The following NLGN2 variants were observed in gnomAD, a reference collection of about 807,000 sequenced individuals.
NLGN2 encodes the protein neuroligin 2.
NLGN2 carries 11 observed loss-of-function variants against 48.6 expected under a neutral mutation model. The observed-to-expected ratio is 0.23, with a 90% confidence interval of 0.14 to 0.37. The LOEUF (loss-of-function observed/expected upper bound fraction) is 0.37, where lower values mean the gene tolerates loss of function less well. NLGN2 is among the 10% of genes least tolerant of loss of function. NLGN2 has a pLI of 1.00. For missense variants in NLGN2, 801 were observed against 1,225.2 expected (o/e 0.65, Z 5.17); for synonymous variants, 548 against 550.0 (o/e 1.00, Z 0.05).
At chr17:7,406,645 T>TGGGGGGG (rs1331732543), upstream of NLGN2, among the ~76,000 whole-genome samples, 7 of 7,970 alleles carry the variant, frequency 8.8e-4, no homozygotes, top group East Asian at 6.3e-3. Flanking sequence ...TGGCGGCTGG[T>TGGGGGGG]GGGGGGGCGG....
Position 7,408,344 on chromosome 17 carries a change from G to A in NLGN2, c.89G>A (p.Gly30Asp). ...GPGGGAPGGP[G>D]LGLGSLGEER... The stretch of plus-strand genomic sequence containing the variant: ...GGCGGCGGCGCCCCGGGCGGCCCCG[G>A]CCTGGGCCTCGGCAGCCTCGGCGAG... The change falls in exon 1 of 7, where the codon GGC becomes GAC. Residue 30 changes from glycine (G) to aspartate (D), a missense_variant. Physicochemically the swap from Gly to Asp is moderately conservative, Grantham distance 94 (BLOSUM62 -1). Transcript: ENST00000302926. This position sits in a 1 kb window ranked among gnomAD's most constrained non-coding sequence, Gnocchi z 7.5. 2.0e-6 allele frequency: 3 copies of A among 1,474,930 alleles called. No homozygotes were observed. Among genetic ancestry groups the A allele is most frequent in the Non-Finnish European group, 1.8e-6 (2 of 1,115,758 alleles). The allele number at this position is 1,474,930 out of a possible 1,614,324, so 91.4% of individuals were successfully genotyped here.
At position 7,417,293 on chromosome 17, in the gene NLGN2, G is replaced by C. The variant is rs746683543; in HGVS notation, c.2002G>C (p.Asp668His). The C allele has an allele frequency of 1.2e-6, 2 of 1,602,620 alleles. No individual in the cohort carries two copies. The highest frequency in any genetic ancestry group is 1.7e-6 in the Non-Finnish European group (2 of 1,175,998). Reference sequence around the variant, plus strand: ...AAGGGCCTATGACCGCTTCCCCGGGGACTCACGGGACTACTCCACGGAGCT... The same window carrying C: ...AAGGGCCTATGACCGCTTCCCCGGGCACTCACGGGACTACTCCACGGAGCT... ...GPRAYDRFPG[D>H]SRDYSTELSV... The change falls in exon 7 of 7, where the codon GAC (aspartate) becomes CAC (histidine). Residue 668 changes from aspartate (D) to histidine (H), a missense_variant. By Grantham distance (81) the Asp-to-His change is moderately conservative. This residue lies in a region of NLGN2 where 276 missense variants were observed against 313.9 expected (regional missense o/e 0.88). Transcript: ENST00000302926.
At chr17:7,407,259 G>A (rs965218561), upstream of NLGN2, among the ~76,000 whole-genome samples, 3 of 152,104 alleles carry the variant, frequency 2.0e-5, no homozygotes, top group South Asian at 2.1e-4. Flanking sequence ...CCCGTCACCC[G>A]GCAACCGGCT....
Position 7,417,452 on chromosome 17 carries a change from G to T in NLGN2, c.2161G>T (p.Gly721Cys). Reference sequence around the variant, plus strand: ...TAGCCCACCTGGCGGCTCAGGCTCTGGCGTGCCTGGTGGGGGCCCCCTGCT... The same window carrying T: ...TAGCCCACCTGGCGGCTCAGGCTCTTGCGTGCCTGGTGGGGGCCCCCTGCT... ...RLSPPGGSGS[G>C]VPGGGPLLPA... Residue 721 changes from glycine (G) to cysteine (C), a missense_variant, in exon 7 of 7, where the codon GGC (glycine) becomes TGC (cysteine). This residue lies in a region of NLGN2 where 276 missense variants were observed against 313.9 expected (regional missense o/e 0.88). Transcript: ENST00000302926. 1 of 1,572,646 alleles carries T rather than the reference G, an allele frequency of 6.4e-7. No homozygotes were observed.
chr17:7,418,098 A>C lies in NLGN2; in HGVS notation c.*299A>C. 11 of 204,772 alleles carry C rather than the reference A, an allele frequency of 5.4e-5. No homozygotes were observed. The highest frequency in any genetic ancestry group is 2.0e-4 in the East Asian group (2 of 10,238). The allele number at this position is 204,772 out of a possible 1,614,324, so 12.7% of individuals were successfully genotyped here. On this transcript the variant is annotated 3_prime_UTR_variant, in exon 7 of 7. Transcript: ENST00000302926. ...CCGCGTGGAGGTGTGCTTTCTCACAACGGGGTGTGTTTTCCCATGTGCAGG... is the reference window on the plus strand; with the variant it reads ...CCGCGTGGAGGTGTGCTTTCTCACACCGGGGTGTGTTTTCCCATGTGCAGG...
intron 1 of NLGN2, 73 bp from the exon 2 acceptor site, chr17:7,412,084 A>G: frequency 4.0e-6 from 1 of 251,352 alleles, no homozygotes; most frequent in Non-Finnish European, 7.0e-6. Flanking sequence ...CTCCCCATCC[A>G]CCACCTCCCC....
In NLGN2 at chr17:7,417,328, C is replaced by A. The variant is rs373371274; in HGVS notation, c.2037C>A (p.Thr679=). 1.1e-5 allele frequency: 17 copies of A among 1,610,708 alleles called. No homozygotes were observed. The highest frequency in any genetic ancestry group is 1.4e-5 in the Non-Finnish European group (16 of 1,179,006). The change falls in exon 7 of 7, where the codon ACC becomes ACA. Residue 679 remains threonine, a synonymous_variant. Transcript: ENST00000302926. ...SRDYSTELSV[T]VAVGASLLFL... is the part of the protein sequence containing the mutation. ...ACTACTCCACGGAGCTGAGCGTCAC[C>A]GTGGCCGTGGGTGCCTCCCTCCTCT... is the stretch of plus-strand genomic sequence containing the variant.
Position 7,408,343 on chromosome 17 carries a change from G to C in NLGN2, c.88G>C (p.Gly30Arg). 1 of 1,472,120 alleles carries C rather than the reference G, an allele frequency of 6.8e-7. No individual in the cohort carries two copies. Among genetic ancestry groups the C allele is most frequent in the Non-Finnish European group, 9.0e-7 (1 of 1,114,556 alleles). 91.2% of individuals were successfully genotyped at this position (1,472,120 alleles called of 1,614,324 possible). A position where few individuals can be genotyped will look rare whatever the true frequency, so the allele number is the denominator to read the frequency against. The change falls in exon 1 of 7, where the codon GGC (glycine) becomes CGC (arginine). Residue 30 changes from glycine (G) to arginine (R), a missense_variant. Coordinates refer to ENST00000302926, the MANE Select transcript of NLGN2 (RefSeq NM_020795.4). This position sits in a 1 kb window ranked among gnomAD's most constrained non-coding sequence, Gnocchi z 7.5. ...GPGGGAPGGP[G>R]LGLGSLGEER... ...CGGCGGCGGCGCCCCGGGCGGCCCC[G>C]GCCTGGGCCTCGGCAGCCTCGGCGA...
rs144019667 is a variant in NLGN2 at position 7,417,119 on chromosome 17, A to G, written c.1828A>G (p.Asn610Asp). ...FWLELVPHLH[N>D]LHTELFTTTT... ...GCTGGAGCTCGTGCCCCACCTGCACAACCTGCACACGGAGCTCTTCACCAC... is the reference window on the plus strand; with the variant it reads ...GCTGGAGCTCGTGCCCCACCTGCACGACCTGCACACGGAGCTCTTCACCAC... The change falls in exon 7 of 7, where the codon AAC (asparagine) becomes GAC (aspartate). Residue 610 changes from asparagine (N) to aspartate (D), a missense_variant. By Grantham distance (23) the Asn-to-Asp change is conservative. Transcript: ENST00000302926. The G allele has an allele frequency of 4.5e-5, 72 of 1,612,198 alleles. No homozygotes were observed. Among genetic ancestry groups the G allele is most frequent in the Admixed American group, 2.3e-4 (14 of 59,982 alleles).
rs1289106224 is a variant in NLGN2, at chr17:7,418,684, C to T, written c.*885C>T. ...TCCTCACATGGCAGGTGAGCACAGA[C>T]TTCTAGTTGGCAGGAGCTGAGGAGG... On this transcript the variant is annotated 3_prime_UTR_variant, in exon 7 of 7. Coordinates refer to ENST00000302926, the MANE Select transcript of NLGN2 (RefSeq NM_020795.4). 1.3e-5 allele frequency: 2 copies of T among 152,224 alleles called. No individual in the cohort carries two copies. The highest frequency in any genetic ancestry group is 2.4e-5 in the African/African-American group (1 of 41,384). The allele number at this position is 152,224 out of a possible 1,614,324, so 9.4% of individuals were successfully genotyped here. A position where few individuals can be genotyped will look rare whatever the true frequency, so the allele number is the denominator to read the frequency against.
rs1163520152 is a variant in NLGN2 at position 7,414,780 on chromosome 17, T to C, written c.776T>C (p.Ile259Thr). 2.5e-6 allele frequency: 4 copies of C among 1,613,942 alleles called. No homozygotes were observed. The highest frequency in any genetic ancestry group is 2.5e-6 in the Non-Finnish European group (3 of 1,180,000). The change falls in exon 4 of 7, where the codon ATC becomes ACC. Residue 259 changes from isoleucine (I) to threonine (T), a missense_variant. By Grantham distance (89) the Ile-to-Thr change is moderately conservative (BLOSUM62 -1). Coordinates refer to ENST00000302926, the MANE Select transcript of NLGN2 (RefSeq NM_020795.4). ...CACTTTGGGGGCGACCCCGAGCGTATCACCATCTTTGGTTCCGGGGCAGGG... is the reference window on the plus strand; with the variant it reads ...CACTTTGGGGGCGACCCCGAGCGTACCACCATCTTTGGTTCCGGGGCAGGG... Reference protein sequence around the residue: ...IAHFGGDPERITIFGSGAGAS... With the variant: ...IAHFGGDPERTTIFGSGAGAS...
intron 3 of NLGN2, 48 bp from the exon 4 acceptor site, chr17:7,414,614 CA>C: frequency 6.2e-7 from 1 of 1,611,840 alleles, no homozygotes; most frequent in Non-Finnish European, 8.5e-7. Context: ...AGAAAGGGGG[CA>C]GGGGCGCTGT....
rs774324796 is a variant in NLGN2, at chr17:7,415,700, T to C, written c.1227T>C (p.Thr409=). The C allele has an allele frequency of 1.2e-6, 2 of 1,614,146 alleles. No homozygotes were observed. The highest frequency in any genetic ancestry group is 1.3e-5 in the African/African-American group (1 of 74,948). ...TGTCTGCCAGCGCCTTTGACTTCAC[T>C]GTCTCCAACTTTGTGGACAACCTGT... The part of the protein sequence containing the change: ...DGVSASAFDF[T]VSNFVDNLYG... The change falls in exon 6 of 7, where the codon ACT becomes ACC. Residue 409 remains threonine, a synonymous_variant. Transcript: ENST00000302926.
At position 7,408,583 on chromosome 17, in the gene NLGN2, C is replaced by G. The variant is rs561309225; in HGVS notation, c.328C>G (p.Leu110Val). 10 of 1,567,984 alleles carry G rather than the reference C, an allele frequency of 6.4e-6. No homozygotes were observed. Among genetic ancestry groups the G allele is most frequent in the Non-Finnish European group, 8.6e-6 (10 of 1,158,790 alleles). The stretch of plus-strand genomic sequence containing the variant: ...CCTGCCGCCCGCCTGCCCGCAGAAC[C>G]TGCACGGGGCGCTGCCCGCCATCAT... ...TTLPPACPQN[L>V]HGALPAIMLP... The change falls in exon 1 of 7, where the codon CTG becomes GTG. Residue 110 changes from leucine (L) to valine (V), a missense_variant. Leu to Val is a conservative substitution (Grantham distance 32). This residue lies in a region of NLGN2 where 164 missense variants were observed against 186.2 expected (regional missense o/e 0.88). Coordinates refer to ENST00000302926, the MANE Select transcript of NLGN2 (RefSeq NM_020795.4). The surrounding 1 kb of genome is among the most constrained non-coding windows in gnomAD (Gnocchi z 7.5).
intron 1 of NLGN2, among the ~76,000 whole-genome samples, chr17:7,410,643 C>T (rs372579847): frequency 9.5e-4 from 145 of 152,308 alleles, no homozygotes; most frequent in African/African-American, 3.2e-3. Context: ...CACCAATGGA[C>T]TGTCCACCCC....
Position 7,413,866 on chromosome 17 carries a change from T to C in NLGN2, c.509-478T>C, listed in dbSNP as rs980261151. Among the ~76,000 whole-genome samples the C allele has an allele frequency of 2.6e-5, 4 of 151,918 alleles. No individual in the cohort carries two copies. Among genetic ancestry groups the C allele is most frequent in the Non-Finnish European group, 4.4e-5 (3 of 67,958 alleles). ...ACCCACAGACCAGGGACCCTAGGCC[T>C]GGCACCCCTCACCCACCGACCAGGG... On this transcript the variant is annotated intron_variant, in intron 2 of 6. Coordinates refer to ENST00000302926, the MANE Select transcript of NLGN2 (RefSeq NM_020795.4). The surrounding 1 kb of genome is among the most constrained non-coding windows in gnomAD (Gnocchi z 4.9).
At chr17:7,409,618 G>C (rs1906795646) in intron 1 of NLGN2, among the ~76,000 whole-genome samples, 1 of 151,974 alleles carries the variant, frequency 6.6e-6, no homozygotes, top group South Asian at 2.1e-4. Context: ...GGCAGCGTCT[G>C]CGTATAGACC....
Position 7,415,735 on chromosome 17 carries a change from C to A in NLGN2, c.1262C>A (p.Pro421Gln). ...SNFVDNLYGY[P>Q]EGKDVLRETI... ...TTTGTGGACAACCTGTATGGCTACC[C>A]GGAAGGCAAGGATGTGCTTCGGGAG... The change falls in exon 6 of 7, where the codon CCG becomes CAG. Residue 421 changes from proline to glutamine, a missense_variant. Pro to Gln is a moderately conservative substitution (Grantham distance 76, BLOSUM62 -1). Transcript: ENST00000302926. 1.2e-6 allele frequency: 2 copies of A among 1,614,212 alleles called. No homozygotes were observed. The highest frequency in any genetic ancestry group is 1.7e-6 in the Non-Finnish European group (2 of 1,180,038).
In NLGN2 at chr17:7,417,711, A is replaced by T; in HGVS notation, c.2420A>T (p.His807Leu). 2 of 892,092 alleles carry T rather than the reference A, an allele frequency of 2.2e-6. No homozygotes were observed. The highest frequency in any genetic ancestry group is 2.7e-6 in the Non-Finnish European group (2 of 727,324). The allele number at this position is 892,092 out of a possible 1,614,324, so 55.3% of individuals were successfully genotyped here. ...PPPPPPPPSL[H>L]PFGPFPPPPP... ...CCACCCCCACCGCCCCCCTCCCTTC[A>T]TCCCTTCGGGCCCTTCCCCCCGCCC... The change falls in exon 7 of 7, where the codon CAT becomes CTT. Residue 807 changes from histidine to leucine, a missense_variant. This residue lies in a region of NLGN2 where 276 missense variants were observed against 313.9 expected (regional missense o/e 0.88). Transcript: ENST00000302926.
Sources: gnomAD v4.1 joint callset for allele counts (sites outside exome capture counted in the v4.1 genomes callset) on GRCh38, gnomAD v4.1.1 for gene constraint, gnomAD v4.1.1 regional missense constraint, Gnocchi (gnomAD v3.1) non-coding constraint, MANE v1.5 for transcripts, NCBI Gene and HGNC (gene_info 2026-07-23, HGNC 2026-07-21) for gene names.